The following MAP3K2 variants were observed in gnomAD, a reference collection of about 807,000 sequenced individuals.
The protein encoded by MAP3K2 is mitogen-activated protein kinase kinase kinase 2.
In MAP3K2, 24 loss-of-function variants were observed where a neutral mutation model predicts 80.3. That is an observed-to-expected ratio of 0.30 (90% CI 0.22 to 0.42). MAP3K2 has a LOEUF of 0.42. MAP3K2 is among the 10% of genes least tolerant of loss of function. MAP3K2 has a pLI of 1.00. For missense variants in MAP3K2, 608 were observed against 750.1 expected, an observed-to-expected ratio of 0.81 and a Z score of 2.21; for synonymous variants, 244 against 253.7, an observed-to-expected ratio of 0.96 and a Z score of 0.36.
intron 1 of MAP3K2, among the ~76,000 whole-genome samples, chr2:127,367,238 G>A (rs996085661): frequency 1.3e-5 from 2 of 152,080 alleles, no homozygotes; most frequent in African/African-American, 4.8e-5. Context: ...ATCAATCTAA[G>A]GCTGAGCAAC....
chr2:127,338,914 A>G lies in MAP3K2; in HGVS notation c.123+18T>C. On this transcript the variant is annotated intron_variant, in intron 3 of 16. Transcript: ENST00000682094. ...AAAGGAAAGTAATTCATAAAAAAAT[A>G]CTTATTAAAATAAATACCTGTTTTT... is the stretch of plus-strand genomic sequence containing the variant. The G allele has an allele frequency of 2.0e-6, 3 of 1,481,068 alleles. No individual in the cohort carries two copies. The highest frequency in any genetic ancestry group is 2.8e-6 in the Non-Finnish European group (3 of 1,082,988). The allele number at this position is 1,481,068 out of a possible 1,614,324, so 91.7% of individuals were successfully genotyped here.
intron 1 of MAP3K2, among the ~76,000 whole-genome samples, chr2:127,346,376 T>C (rs961095192): frequency 2.3e-5 from 3 of 130,902 alleles, no homozygotes; most frequent in African/African-American, 8.8e-5. Flanking sequence ...ACCAGATCAC[T>C]TCAAACATTT....
At chr2:127,357,961 G>GA (rs901229374) in intron 1 of MAP3K2, among the ~76,000 whole-genome samples, 2 of 151,476 alleles carry the variant, frequency 1.3e-5, no homozygotes, top group Non-Finnish European at 2.9e-5. Flanking sequence ...TATCTTAAAA[G>GA]AAAAAAATGC....
intron 1 of MAP3K2, among the ~76,000 whole-genome samples, chr2:127,346,626 C>T (rs1686600632): frequency 6.6e-6 from 1 of 152,026 alleles, no homozygotes; most frequent in South Asian, 2.1e-4. Flanking sequence ...TGGGATATAT[C>T]CAACAAAATC....
At chr2:127,343,224 A>G (rs372101110) in intron 1 of MAP3K2, 30 bp from the exon 2 acceptor site, 1 of 902,208 alleles carries the variant, frequency 1.1e-6, no homozygotes, top group Non-Finnish European at 1.7e-6. Flanking sequence ...CAGCATATTA[A>G]TAAAAAGAAA....
chr2:127,322,291 A>G lies in MAP3K2; in HGVS notation c.839-39T>C. 1 of 1,280,056 alleles carries G rather than the reference A, an allele frequency of 7.8e-7. No individual in the cohort carries two copies. Among genetic ancestry groups the G allele is most frequent in the African/African-American group, 1.5e-5 (1 of 66,868 alleles). 79.3% of individuals were successfully genotyped at this position (1,280,056 alleles called of 1,614,324 possible). A position where few individuals can be genotyped will look rare whatever the true frequency, so the allele number is the denominator to read the frequency against. On this transcript the variant is annotated intron_variant, in intron 11 of 16. Coordinates refer to ENST00000682094, the MANE Select transcript of MAP3K2 (RefSeq NM_001371910.2). The surrounding 1 kb of genome is among the most constrained non-coding windows in gnomAD (Gnocchi z 4.2). ...AGAGAATGACCTTATACCTTTTATTAATATGTTATACTTTTAAAGTATTTA... is the reference window on the plus strand; with the variant it reads ...AGAGAATGACCTTATACCTTTTATTGATATGTTATACTTTTAAAGTATTTA...
chr2:127,388,158 C>T (rs1687415011), upstream of MAP3K2: 11 of 984,948 alleles, frequency 1.1e-5, no homozygotes, highest in Non-Finnish European at 1.2e-5. Flanking sequence ...CGCGGGGATT[C>T]CCAGTCCTGG....
chr2:127,342,312 C>T lies in MAP3K2; in HGVS notation c.4+814G>A, dbSNP rs143618398. On this transcript the variant is annotated intron_variant, in intron 2 of 16. Transcript: ENST00000682094. ...GGGAGGTGAAGTCTAAGCTTACATA[C>T]TTGCTACAATGACACACAGTGAAAG... Among the ~76,000 whole-genome samples the T allele has an allele frequency of 4.7e-5, 7 of 147,922 alleles. No homozygotes were observed. In the East Asian group the frequency reaches 1.2e-3, roughly 25 times the overall value.
Position 127,307,874 on chromosome 2 carries a change from G to A in MAP3K2, c.1635-70C>T, listed in dbSNP as rs927695314. ...AAAGAAAGCTAGTTAGCTAGAAAAT[G>A]AGAAACAGGCATTAAGTCCATATAT... On this transcript the variant is annotated intron_variant, in intron 16 of 16. Coordinates refer to ENST00000682094, the MANE Select transcript of MAP3K2 (RefSeq NM_001371910.2). This position sits in a 1 kb window ranked among gnomAD's most constrained non-coding sequence, Gnocchi z 5.4. 1 of 1,017,142 alleles carries A rather than the reference G, an allele frequency of 9.8e-7. No homozygotes were observed. The allele number at this position is 1,017,142 out of a possible 1,614,324, so 63.0% of individuals were successfully genotyped here.
At position 127,364,707 on chromosome 2, in the gene MAP3K2, T is replaced by C. The variant is rs1476695809; in HGVS notation, c.-65-21513A>G. Among the ~76,000 whole-genome samples the C allele has an allele frequency of 2.0e-5, 3 of 152,306 alleles. No homozygotes were observed. The highest frequency in any genetic ancestry group is 3.4e-3 in the Middle Eastern group (1 of 294). On this transcript the variant is annotated intron_variant, in intron 1 of 16. Coordinates refer to ENST00000682094, the MANE Select transcript of MAP3K2 (RefSeq NM_001371910.2). This position sits in a 1 kb window ranked among gnomAD's most constrained non-coding sequence, Gnocchi z 4.1. ...CACTAGACTACAATAACCTCAAATA[T>C]AGGAACTATGTCTTCTACTTTATTC...
intron 1 of MAP3K2, among the ~76,000 whole-genome samples, chr2:127,381,342 A>G (rs1401065261): frequency 3.3e-5 from 5 of 152,214 alleles, no homozygotes; most frequent in African/African-American, 1.2e-4. Context: ...TCTAAGAAAA[A>G]TTTAAATGCA....
chr2:127,332,326 T>A (rs1053758896), intron 5 of MAP3K2, among the ~76,000 whole-genome samples: 1 of 152,252 alleles, frequency 6.6e-6, no homozygotes, highest in African/African-American at 2.4e-5. Flanking sequence ...CTTACTTTTA[T>A]TATTCATTTA....
In MAP3K2 at chr2:127,322,032, G is replaced by A; in HGVS notation, c.1045+14C>T. The A allele has an allele frequency of 6.2e-7, 1 of 1,605,632 alleles. No homozygotes were observed. Among genetic ancestry groups the A allele is most frequent in the Non-Finnish European group, 8.5e-7 (1 of 1,174,248 alleles). On this transcript the variant is annotated intron_variant, in intron 12 of 16. Coordinates refer to ENST00000682094, the MANE Select transcript of MAP3K2 (RefSeq NM_001371910.2). This position sits in a 1 kb window ranked among gnomAD's most constrained non-coding sequence, Gnocchi z 4.2. ...TCTGCTCTACATTTCACTATACCAA[G>A]TTCTATTACTTACAACGGCTGGGTG...
intron 7 of MAP3K2, among the ~76,000 whole-genome samples, chr2:127,329,193 TAAAG>T (rs886768956): frequency 5.9e-5 from 9 of 152,124 alleles, no homozygotes; most frequent in Non-Finnish European, 1.2e-4. Context: ...TGAATACTAA[TAAAG>T]TAATAATAAA....
Position 127,302,231 on chromosome 2 carries a change from T to A in MAP3K2, c.*5348A>T. On this transcript the variant is annotated 3_prime_UTR_variant, in exon 17 of 17. Transcript: ENST00000682094. ...TTAATCTACCTTTAGCAACCAAGAG[T>A]ATGGCAATTTACAATCAATATTATT... The A allele has an allele frequency of 6.6e-6, 1 of 152,106 alleles. No homozygotes were observed. Among genetic ancestry groups the A allele is most frequent in the Admixed American group, 6.5e-5 (1 of 15,268 alleles). The allele number at this position is 152,106 out of a possible 1,614,324, so 9.4% of individuals were successfully genotyped here.
chr2:127,335,546 T>C (rs530062457), intron 5 of MAP3K2, among the ~76,000 whole-genome samples: 2 of 152,300 alleles, frequency 1.3e-5, no homozygotes, highest in South Asian at 4.1e-4. Flanking sequence ...TAGCCAAGTG[T>C]AGAGTATGAG....
intron 1 of MAP3K2, among the ~76,000 whole-genome samples, chr2:127,362,251 CT>C (rs1686904905): frequency 6.6e-6 from 1 of 152,200 alleles, no homozygotes; most frequent in Non-Finnish European, 1.5e-5. Flanking sequence ...ATGACTTAAT[CT>C]TTCTTTGCCT....
At chr2:127,370,792 C>A (rs1687048730) in intron 1 of MAP3K2, among the ~76,000 whole-genome samples, 1 of 152,146 alleles carries the variant, frequency 6.6e-6, no homozygotes, top group African/African-American at 2.4e-5. Flanking sequence ...CCGTTATACA[C>A]AGAAGAGCCT....
chr2:127,361,857 CA>C (rs1686899691), intron 1 of MAP3K2, among the ~76,000 whole-genome samples: 1 of 152,184 alleles, frequency 6.6e-6, no homozygotes, highest in African/African-American at 2.4e-5. Context: ...TCGGCTATTA[CA>C]AACCCATGTC....
Sources: gnomAD v4.1 joint callset for allele counts (sites outside exome capture counted in the v4.1 genomes callset) on GRCh38, gnomAD v4.1.1 for gene constraint, Gnocchi (gnomAD v3.1) non-coding constraint, MANE v1.5 for transcripts, NCBI Gene and HGNC (gene_info 2026-07-23, HGNC 2026-07-21) for gene names.